Variants in GRID2 observed in about 807,000 individuals in gnomAD.
The protein encoded by GRID2 is glutamate ionotropic receptor delta type subunit 2, also known as glutamate receptor ionotropic, delta-2.
GRID2 carries 33 observed loss-of-function variants against 114.8 expected under a neutral mutation model. The ratio of observed to expected loss-of-function variants is 0.29; its 90% CI spans 0.22 to 0.38. The LOEUF (loss-of-function observed/expected upper bound fraction) is 0.38. Ranked by LOEUF, GRID2 falls within the 10% of genes least tolerant of loss-of-function variation. The pLI, the probability that GRID2 is intolerant of heterozygous loss-of-function variation, is 1.00. For missense variants in GRID2, 1,184 were observed against 1,257.7 expected, an observed-to-expected ratio of 0.94 and a Z score of 0.89; for synonymous variants, 505 against 449.9, an observed-to-expected ratio of 1.12 and a Z score of -1.55.
chr4:92,514,811 A>G (rs1040481762), intron 1 of GRID2, among the ~76,000 whole-genome samples: 19 of 151,826 alleles, frequency 1.3e-4, no homozygotes, highest in African/African-American at 4.6e-4. Flanking sequence ...TCCCTGCCTC[A>G]TAGTCACAAA....
At chr4:93,171,901 A>G (rs1317052164) in intron 4 of GRID2, among the ~76,000 whole-genome samples, 1 of 152,214 alleles carries the variant, frequency 6.6e-6, no homozygotes, top group East Asian at 1.9e-4. Context: ...GAGGTGTGTT[A>G]GTAAAGAGAT....
At chr4:93,519,262 T>C (rs1310786841) in intron 13 of GRID2, among the ~76,000 whole-genome samples, 1 of 152,086 alleles carries the variant, frequency 6.6e-6, no homozygotes, top group East Asian at 1.9e-4. Context: ...ACTATTGTGC[T>C]GAAACAAACG....
intron 14 of GRID2, among the ~76,000 whole-genome samples, chr4:93,696,497 T>G (rs1727032338): frequency 6.6e-6 from 1 of 152,202 alleles, no homozygotes; most frequent in Non-Finnish European, 1.5e-5. Flanking sequence ...CCCTTGGTGT[T>G]TACAACAATG....
At chr4:92,798,512 A>C (rs1739998161) in intron 2 of GRID2, among the ~76,000 whole-genome samples, 1 of 152,028 alleles carries the variant, frequency 6.6e-6, no homozygotes, top group African/African-American at 2.4e-5. Context: ...TATGGGATTG[A>C]GTTGCATATG....
At chr4:93,316,779 T>C (rs1756703678) in intron 8 of GRID2, among the ~76,000 whole-genome samples, 1 of 152,198 alleles carries the variant, frequency 6.6e-6, no homozygotes, top group Admixed American at 6.5e-5. Flanking sequence ...GTTAAATACA[T>C]ATATGTATTT....
intron 13 of GRID2, among the ~76,000 whole-genome samples, chr4:93,553,752 T>C (rs1164249365): frequency 1.3e-5 from 2 of 152,182 alleles, no homozygotes; most frequent in African/African-American, 2.4e-5. Context: ...ACCTAGTACA[T>C]TTATGAGAAA....
Position 92,508,466 on chromosome 4 carries a change from A to G in GRID2, c.89-81665A>G, listed in dbSNP as rs1338860127. Among the ~76,000 whole-genome samples the G allele has an allele frequency of 2.6e-5, 4 of 151,958 alleles. No individual in the cohort carries two copies. The East Asian group carries it at 5.8e-4, about 22-fold the overall frequency. On this transcript the variant is annotated intron_variant, in intron 1 of 15. Transcript: ENST00000282020. ...GTATATTTTGAACACTGACAGATCT[A>G]AGTGTTATTTTAGGAAGGGAGGTCA...
At chr4:93,718,479 A>T (rs1172284556) in intron 14 of GRID2, among the ~76,000 whole-genome samples, 2 of 152,218 alleles carry the variant, frequency 1.3e-5, no homozygotes, top group Admixed American at 6.5e-5. Context: ...GAAAAAGCCA[A>T]GGATACCTTC....
At chr4:92,830,802 C>T (rs1742050626) in intron 2 of GRID2, among the ~76,000 whole-genome samples, 1 of 152,124 alleles carries the variant, frequency 6.6e-6, no homozygotes, top group African/African-American at 2.4e-5. Context: ...GGTCTACAGT[C>T]TTCATCACTT....
chr4:92,866,373 C>G (rs1744863144), intron 2 of GRID2, among the ~76,000 whole-genome samples: 1 of 152,190 alleles, frequency 6.6e-6, no homozygotes, highest in South Asian at 2.1e-4. Flanking sequence ...AACAGCCTCT[C>G]CCTCTCCATC....
intron 2 of GRID2, among the ~76,000 whole-genome samples, chr4:92,690,759 G>T (rs1007670319): frequency 6.6e-6 from 1 of 151,766 alleles, no homozygotes; most frequent in Admixed American, 6.6e-5. Flanking sequence ...CAATAAAAAT[G>T]AATTTATATT....
At chr4:92,778,575 C>T (rs923153541) in intron 2 of GRID2, among the ~76,000 whole-genome samples, 1 of 152,000 alleles carries the variant, frequency 6.6e-6, no homozygotes, top group African/African-American at 2.4e-5. Flanking sequence ...TTTATTCAAT[C>T]TTAATATACT....
intron 4 of GRID2, among the ~76,000 whole-genome samples, chr4:93,111,361 A>G (rs150740347): frequency 3.5e-4 from 53 of 152,330 alleles, no homozygotes; most frequent in African/African-American, 1.1e-3. Flanking sequence ...TTGCCTAAAC[A>G]TGATTACTGT....
chr4:92,696,695 A>G, intron 2 of GRID2, among the ~76,000 whole-genome samples: 1 of 152,130 alleles, frequency 6.6e-6, no homozygotes, highest in East Asian at 1.9e-4. Context: ...GACACTTTAG[A>G]TTAGAAAGGC....
intron 2 of GRID2, among the ~76,000 whole-genome samples, chr4:92,867,581 TA>T (rs906821778): frequency 1.1e-4 from 15 of 137,372 alleles, no homozygotes; most frequent in Admixed American, 2.1e-4. Flanking sequence ...GCTGTACTAT[TA>T]TTTTTTTTTT....
chr4:93,650,378 AT>A (rs67022659), intron 14 of GRID2, among the ~76,000 whole-genome samples: 7 of 151,854 alleles, frequency 4.6e-5, no homozygotes, highest in East Asian at 1.9e-4. Context: ...AAAAGCATAG[AT>A]TTTTTTTTAA....
At chr4:93,669,700 C>G (rs1355332474) in intron 14 of GRID2, among the ~76,000 whole-genome samples, 1 of 152,042 alleles carries the variant, frequency 6.6e-6, no homozygotes, top group Non-Finnish European at 1.5e-5. Flanking sequence ...TAGCAATTTT[C>G]AAAGAGATGG....
intron 5 of GRID2, among the ~76,000 whole-genome samples, chr4:93,210,142 C>G (rs1560989920): frequency 6.6e-6 from 1 of 151,900 alleles, no homozygotes; most frequent in Non-Finnish European, 1.5e-5. Flanking sequence ...GTTGCAATTG[C>G]TTTTGTCATC....
chr4:93,456,957 C>T (rs1363261772), intron 11 of GRID2, among the ~76,000 whole-genome samples: 1 of 152,102 alleles, frequency 6.6e-6, no homozygotes, highest in Non-Finnish European at 1.5e-5. Flanking sequence ...GGGCTCTAAG[C>T]TTACCTGTTA....
Sources: gnomAD v4.1 joint callset for allele counts (sites outside exome capture counted in the v4.1 genomes callset) on GRCh38, gnomAD v4.1.1 for gene constraint, MANE v1.5 for transcripts, NCBI Gene and HGNC (gene_info 2026-07-23, HGNC 2026-07-21) for gene names.